The following PDE8A variants were observed in gnomAD, a reference collection of about 807,000 sequenced individuals.
The protein encoded by PDE8A is high affinity cAMP-specific and IBMX-insensitive 3',5'-cyclic phosphodiesterase 8A.
PDE8A carries 59 observed loss-of-function variants against 105.0 expected under a neutral mutation model. The ratio of observed to expected loss-of-function variants is 0.56; its 90% CI spans 0.46 to 0.70. The LOEUF (loss-of-function observed/expected upper bound fraction) is 0.70. Among genes scored for constraint, PDE8A ranks in the 30% least tolerant of loss-of-function variants. The pLI is 0.00. For missense variants in PDE8A, 1,014 were observed against 1,045.9 expected, an observed-to-expected ratio of 0.97 and a Z score of 0.42; for synonymous variants, 355 against 371.9, an observed-to-expected ratio of 0.95 and a Z score of 0.52.
upstream of PDE8A, among the ~76,000 whole-genome samples, chr15:84,981,717 G>T (rs932119703): frequency 1.3e-4 from 19 of 151,446 alleles, no homozygotes; most frequent in African/African-American, 4.6e-4. Context: ...GGCGGGAGCG[G>T]GGCCGGGCGC....
chr15:85,000,611 G>T (rs1361338440), intron 1 of PDE8A, among the ~76,000 whole-genome samples: 1 of 152,136 alleles, frequency 6.6e-6, no homozygotes, highest in East Asian at 1.9e-4. Context: ...CAGTGTGCAG[G>T]CCCTGGCTAA....
At chr15:85,054,258 G>C (rs1164267833) in intron 1 of PDE8A, among the ~76,000 whole-genome samples, 1 of 152,156 alleles carries the variant, frequency 6.6e-6, no homozygotes. Context: ...ATGTTCATCA[G>C]GGATATTGGT....
At chr15:85,000,114 G>C (rs768266288) in intron 1 of PDE8A, among the ~76,000 whole-genome samples, 2 of 152,144 alleles carry the variant, frequency 1.3e-5, no homozygotes, top group Non-Finnish European at 2.9e-5. Flanking sequence ...TAACTTGTCT[G>C]TGAGCCACGG....
intron 1 of PDE8A, among the ~76,000 whole-genome samples, chr15:85,009,684 C>T (rs772413087): frequency 3.3e-5 from 5 of 152,134 alleles, no homozygotes; most frequent in Non-Finnish European, 7.4e-5. Context: ...ATGCTGTTAG[C>T]AGGAATGTAA....
chr15:85,029,040 A>C (rs1047561629), intron 1 of PDE8A, among the ~76,000 whole-genome samples: 7 of 152,184 alleles, frequency 4.6e-5, no homozygotes, highest in African/African-American at 1.7e-4. Context: ...AGACCATGTG[A>C]AGCTACTTTG....
upstream of PDE8A, among the ~76,000 whole-genome samples, chr15:84,981,471 G>A (rs1431868771): frequency 6.6e-6 from 1 of 152,206 alleles, no homozygotes; most frequent in African/African-American, 2.4e-5. Context: ...CCCAGGCCCC[G>A]CTGGAGCCGA....
At chr15:84,994,027 G>C (rs896866293) in intron 1 of PDE8A, among the ~76,000 whole-genome samples, 1 of 152,264 alleles carries the variant, frequency 6.6e-6, no homozygotes, top group South Asian at 2.1e-4. Flanking sequence ...AAGATAGATT[G>C]AGACGCATCT....
chr15:85,018,630 A>G (rs1463422904), intron 1 of PDE8A, among the ~76,000 whole-genome samples: 2 of 152,174 alleles, frequency 1.3e-5, no homozygotes, highest in East Asian at 3.8e-4. Context: ...TGCTTTCTTT[A>G]GGATAATTCC....
At chr15:85,077,644 C>G (rs1011624946) in intron 5 of PDE8A, among the ~76,000 whole-genome samples, 30 of 152,052 alleles carry the variant, frequency 2.0e-4, no homozygotes, top group African/African-American at 6.8e-4. Flanking sequence ...GACAGGGCAT[C>G]CCAAGGAAAA....
chr15:85,133,178 A>G (rs146086704), intron 20 of PDE8A, among the ~76,000 whole-genome samples: 3 of 152,192 alleles, frequency 2.0e-5, no homozygotes, highest in African/African-American at 4.8e-5. Context: ...CTGCTTTCAG[A>G]TGTCTTAATT....
At chr15:84,983,893 C>A (rs1025888311) in intron 1 of PDE8A, among the ~76,000 whole-genome samples, 1 of 152,238 alleles carries the variant, frequency 6.6e-6, no homozygotes, top group Non-Finnish European at 1.5e-5. Flanking sequence ...CCCAGTGCAG[C>A]AGCAGCTTGC....
intron 11 of PDE8A, among the ~76,000 whole-genome samples, chr15:85,106,684 G>A (rs2081952116): frequency 1.3e-5 from 2 of 152,216 alleles, no homozygotes; most frequent in South Asian, 4.1e-4. Context: ...CGGTGTCAAG[G>A]CTGTTCCAGA....
chr15:85,035,530 G>A (rs2080692006), intron 1 of PDE8A, among the ~76,000 whole-genome samples: 1 of 151,898 alleles, frequency 6.6e-6, no homozygotes, highest in South Asian at 2.1e-4. Context: ...ACTTTAAAGT[G>A]ATTTTCTTTT....
intron 3 of PDE8A, 117 bp from the exon 4 acceptor site, chr15:85,075,745 G>C: frequency 1.7e-6 from 1 of 579,586 alleles, no homozygotes; most frequent in South Asian, 2.4e-5. Context: ...AGAGTGAGGG[G>C]ATCATTTACT....
chr15:85,030,099 T>TG (rs1323753330), intron 1 of PDE8A, among the ~76,000 whole-genome samples: 1 of 152,224 alleles, frequency 6.6e-6, no homozygotes, highest in Non-Finnish European at 1.5e-5. Context: ...AATTCTCACT[T>TG]GCATTGAGCT....
chr15:84,981,687 G>T (rs1326462407), upstream of PDE8A, among the ~76,000 whole-genome samples: 2 of 151,114 alleles, frequency 1.3e-5, no homozygotes, highest in Non-Finnish European at 2.9e-5. Context: ...GTCTGGAGCC[G>T]GGGAGGCGGC....
chr15:84,989,743 A>G (rs1422198775), intron 1 of PDE8A, among the ~76,000 whole-genome samples: 1 of 152,172 alleles, frequency 6.6e-6, no homozygotes, highest in East Asian at 1.9e-4. Context: ...AGGATTGACC[A>G]TTTTCTTATG....
chr15:85,105,739 C>T (rs1162951749), intron 11 of PDE8A, among the ~76,000 whole-genome samples: 1 of 152,174 alleles, frequency 6.6e-6, no homozygotes, highest in Non-Finnish European at 1.5e-5. Flanking sequence ...CTATGGAGGC[C>T]TAGTTAGTGT....
rs765552657 is a variant in PDE8A, at chr15:85,075,893, A to G, written c.466A>G (p.Thr156Ala). 6.3e-7 allele frequency: 1 copy of G among 1,575,494 alleles called. No individual in the cohort carries two copies. The change falls in exon 4 of 22, where the codon ACA becomes GCA. Residue 156 changes from threonine to alanine, a missense_variant. Thr to Ala is a moderately conservative substitution (Grantham distance 58). Coordinates refer to ENST00000394553, the MANE Select transcript of PDE8A (RefSeq NM_002605.3). ...SIRSSKLSENTVIVGVVRRVD... is the reference protein window; with the variant it reads ...SIRSSKLSENAVIVGVVRRVD... Reference sequence around the variant, plus strand: ...CAGATCATCAAAACTCTCAGAAAACACAGTTATTGTTGGTGTAGTACGCAG... The same window carrying G: ...CAGATCATCAAAACTCTCAGAAAACGCAGTTATTGTTGGTGTAGTACGCAG...
Sources: gnomAD v4.1 joint callset for allele counts (sites outside exome capture counted in the v4.1 genomes callset) on GRCh38, gnomAD v4.1.1 for gene constraint, MANE v1.5 for transcripts, NCBI Gene and HGNC (gene_info 2026-07-23, HGNC 2026-07-21) for gene names.